C1QTNF7: variants seen among roughly 807,000 people sequenced by gnomAD.
C1QTNF7 encodes the protein C1q and TNF related 7, also known as complement C1q tumor necrosis factor-related protein 7.
In C1QTNF7, 15 loss-of-function variants were observed where a neutral mutation model predicts 19.6. The observed-to-expected ratio is 0.76, with a 90% confidence interval of 0.51 to 1.18. The LOEUF is 1.18. C1QTNF7 is among the 50% of genes most tolerant of loss of function. C1QTNF7 has a pLI of 0.00. For synonymous variants in C1QTNF7, 142 were observed against 137.5 expected (o/e 1.03, Z -0.23); for missense variants, 324 against 359.7 (o/e 0.90, Z 0.80).
intron 1 of C1QTNF7, among the ~76,000 whole-genome samples, chr4:15,371,170 T>C (rs571793638): frequency 3.0e-4 from 45 of 152,326 alleles, no homozygotes; most frequent in South Asian, 1.7e-3. Flanking sequence ...ACCCAGGCAT[T>C]GACCAGCAGA....
At position 15,443,041 on chromosome 4, in the gene C1QTNF7, G is replaced by A; in HGVS notation, c.*242G>A. The A allele has an allele frequency of 3.1e-6, 1 of 323,208 alleles. No homozygotes were observed. Among genetic ancestry groups the A allele is most frequent in the Non-Finnish European group, 5.5e-6 (1 of 180,900 alleles). 20.0% of individuals were successfully genotyped at this position (323,208 alleles called of 1,614,324 possible). A position where few individuals can be genotyped will look rare whatever the true frequency, so the allele number is the denominator to read the frequency against. On this transcript the variant is annotated 3_prime_UTR_variant, in exon 3 of 3. Coordinates refer to ENST00000444304, the MANE Select transcript of C1QTNF7 (RefSeq NM_031911.5). ...GAAAGCAATGTTCATAAATATTTAA[G>A]CAAATTAAAGACAATGTTAACAAAT...
intron 1 of C1QTNF7, among the ~76,000 whole-genome samples, chr4:15,348,142 G>A (rs1716780870): frequency 1.3e-5 from 2 of 152,206 alleles, no homozygotes; most frequent in South Asian, 2.1e-4. Flanking sequence ...TTTGCTATGG[G>A]GGATTTCCTC....
intron 1 of C1QTNF7, among the ~76,000 whole-genome samples, chr4:15,366,105 T>C (rs1274524883): frequency 1.3e-5 from 2 of 152,192 alleles, no homozygotes; most frequent in Non-Finnish European, 2.9e-5. Flanking sequence ...GAGTTTCCTA[T>C]GCAATCCTCA....
intron 1 of C1QTNF7, among the ~76,000 whole-genome samples, chr4:15,422,860 T>C (rs896087399): frequency 2.0e-5 from 3 of 152,144 alleles, no homozygotes; most frequent in East Asian, 1.9e-4. Flanking sequence ...CTTCCCACCA[T>C]AGCCCCCCAA....
At chr4:15,441,073 TG>T (rs1712740581) in intron 2 of C1QTNF7, among the ~76,000 whole-genome samples, 1 of 151,590 alleles carries the variant, frequency 6.6e-6, no homozygotes. Flanking sequence ...ACCTGGGAGG[TG>T]GAAGTTGCAA....
chr4:15,392,304 G>A (rs1316993555), intron 1 of C1QTNF7, among the ~76,000 whole-genome samples: 3 of 152,066 alleles, frequency 2.0e-5, no homozygotes, highest in African/African-American at 7.2e-5. Context: ...TCTAGGGGGC[G>A]CTTACTTAAA....
intron 1 of C1QTNF7, among the ~76,000 whole-genome samples, chr4:15,350,138 G>A (rs1483630202): frequency 1.7e-5 from 2 of 116,190 alleles, no homozygotes; most frequent in African/African-American, 6.8e-5. Flanking sequence ...AAGAAGGGAG[G>A]GAGGGAAGGA....
intron 1 of C1QTNF7, among the ~76,000 whole-genome samples, chr4:15,390,978 C>T (rs557908450): frequency 2.4e-4 from 36 of 152,228 alleles, no homozygotes; most frequent in African/African-American, 8.4e-4. Context: ...TCGGTTAGCA[C>T]TCTTTCAATT....
At chr4:15,438,651 T>C (rs1186667383) in intron 2 of C1QTNF7, among the ~76,000 whole-genome samples, 2 of 152,222 alleles carry the variant, frequency 1.3e-5, no homozygotes, top group African/African-American at 4.8e-5. Flanking sequence ...TTAATCTGGG[T>C]ACATATCCAT....
intron 1 of C1QTNF7, among the ~76,000 whole-genome samples, chr4:15,376,660 G>C (rs1285052786): frequency 6.6e-6 from 1 of 152,212 alleles, no homozygotes; most frequent in African/African-American, 2.4e-5. Context: ...TGGCAGGGCT[G>C]GGATTTGGAA....
In C1QTNF7 at chr4:15,445,411, C is replaced by T. The variant is rs1489001162; in HGVS notation, c.*2612C>T. The T allele has an allele frequency of 6.6e-6, 1 of 152,236 alleles. No homozygotes were observed. The highest frequency in any genetic ancestry group is 6.5e-5 in the Admixed American group (1 of 15,288). 9.4% of individuals were successfully genotyped at this position (152,236 alleles called of 1,614,324 possible). A position where few individuals can be genotyped will look rare whatever the true frequency, so the allele number is the denominator to read the frequency against. On this transcript the variant is annotated 3_prime_UTR_variant, in exon 3 of 3. Transcript: ENST00000444304. ...ACTGTGATTAAAATTTTCTTCTGATCGTAATCCACGAATGCATTCATTTTT... is the reference window on the plus strand; with the variant it reads ...ACTGTGATTAAAATTTTCTTCTGATTGTAATCCACGAATGCATTCATTTTT...
chr4:15,350,810 G>A (rs910357103), intron 1 of C1QTNF7, among the ~76,000 whole-genome samples: 4 of 152,112 alleles, frequency 2.6e-5, no homozygotes, highest in East Asian at 1.9e-4. Flanking sequence ...TAGCTGCCCC[G>A]GAGAAAGAAA....
At chr4:15,399,003 G>T (rs965107793) in intron 1 of C1QTNF7, among the ~76,000 whole-genome samples, 1 of 152,090 alleles carries the variant, frequency 6.6e-6, no homozygotes, top group Non-Finnish European at 1.5e-5. Context: ...GTGAGCATGC[G>T]CAGTGTGTTT....
At chr4:15,398,779 G>A (rs905306412) in intron 1 of C1QTNF7, among the ~76,000 whole-genome samples, 1 of 152,222 alleles carries the variant, frequency 6.6e-6, no homozygotes, top group Non-Finnish European at 1.5e-5. Flanking sequence ...AGGAGTGAAA[G>A]TTTATTAAAA....
chr4:15,369,192 T>C (rs1480845654), intron 1 of C1QTNF7, among the ~76,000 whole-genome samples: 5 of 152,172 alleles, frequency 3.3e-5, no homozygotes, highest in Non-Finnish European at 5.9e-5. Context: ...CAAAATATTT[T>C]AGCAAAATTT....
intron 1 of C1QTNF7, among the ~76,000 whole-genome samples, chr4:15,428,469 T>A (rs1000821639): frequency 6.6e-6 from 1 of 151,758 alleles, no homozygotes; most frequent in Non-Finnish European, 1.5e-5. Flanking sequence ...TAATAAATAT[T>A]GATGAATTTT....
intron 1 of C1QTNF7, among the ~76,000 whole-genome samples, chr4:15,353,768 TAA>T (rs59271788): frequency 3.8e-4 from 54 of 143,416 alleles, no homozygotes; most frequent in East Asian, 3.0e-3. Context: ...TGAGGAAGAT[TAA>T]AAAAAAAAAA....
intron 1 of C1QTNF7, among the ~76,000 whole-genome samples, chr4:15,418,299 C>G (rs1270017713): frequency 6.6e-6 from 1 of 152,136 alleles, no homozygotes; most frequent in Non-Finnish European, 1.5e-5. Flanking sequence ...ATGTTCTCCT[C>G]TAACCCTCTC....
At chr4:15,405,541 G>A (rs1263987008) in intron 1 of C1QTNF7, among the ~76,000 whole-genome samples, 1 of 152,160 alleles carries the variant, frequency 6.6e-6, no homozygotes, top group African/African-American at 2.4e-5. Flanking sequence ...TTTATTAACA[G>A]TATCTGCCAC....
Sources: allele counts gnomAD v4.1 joint callset (sites outside exome capture counted in the v4.1 genomes callset), GRCh38; gene constraint gnomAD v4.1.1; transcripts MANE v1.5; gene names NCBI Gene and HGNC (gene_info 2026-07-23, HGNC 2026-07-21).